The following WHAMM variants were observed in gnomAD, a reference collection of about 807,000 sequenced individuals.
The protein encoded by WHAMM is WASP homolog-associated protein with actin, membranes and microtubules.
In WHAMM, 67 loss-of-function variants were observed where a neutral mutation model predicts 76.5. The ratio of observed to expected loss-of-function variants is 0.88; its 90% confidence interval spans 0.72 to 1.07. WHAMM has a LOEUF of 1.07. Ranked by LOEUF, WHAMM falls within the 50% of genes least tolerant of loss-of-function variation. The probability of loss-of-function intolerance (pLI) is 0.00; values close to 1 mark genes in which losing one functional copy is unlikely to be tolerated. For missense variants in WHAMM, 1,021 were observed against 1,051.1 expected, an observed-to-expected ratio of 0.97 and a Z score of 0.40; for synonymous variants, 419 against 422.1, an observed-to-expected ratio of 0.99 and a Z score of 0.09.
chr15:82,833,146 A>C, intron 9 of WHAMM, 83 bp from the exon 10 acceptor site: 1 of 1,414,874 alleles, frequency 7.1e-7, no homozygotes, highest in Non-Finnish European at 9.5e-7. Context: ...AACTGATAGG[A>C]GATTTCACAA....
In WHAMM at chr15:82,833,368, G is replaced by A. The variant is rs1008396356; in HGVS notation, c.2262G>A (p.Lys754=). ...LAAIRQGVKL[K]KVHPDLGPNP... ...CCATAAGGCAAGGGGTCAAACTGAA[G>A]AAAGTTCACCCTGATCTTGGCCCAA... The change falls in exon 10 of 10, where the codon AAG becomes AAA. Residue 754 remains lysine (K), a synonymous_variant. Transcript: ENST00000286760. 2.6e-5 allele frequency: 42 copies of A among 1,614,014 alleles called. No homozygotes were observed. The highest frequency in any genetic ancestry group is 3.6e-5 in the Non-Finnish European group (42 of 1,179,872).
chr15:82,833,885 G>A lies in WHAMM; in HGVS notation c.*349G>A, dbSNP rs777246113. ...CTCCCGAGTAGCTGGGACTACAGGC[G>A]CCACCACCTTGCCCAACTAATTTTT... On this transcript the variant is annotated 3_prime_UTR_variant, in exon 10 of 10. Coordinates refer to ENST00000286760, the MANE Select transcript of WHAMM (RefSeq NM_001080435.3). The A allele has an allele frequency of 8.0e-5, 17 of 212,328 alleles. No homozygotes were observed. The highest frequency in any genetic ancestry group is 1.2e-4 in the African/African-American group (5 of 42,758). 13.2% of individuals were successfully genotyped at this position (212,328 alleles called of 1,614,324 possible).
intron 1 of WHAMM, 68 bp from the exon 2 acceptor site, chr15:82,813,035 G>C: frequency 1.6e-6 from 2 of 1,215,786 alleles, no homozygotes; most frequent in Non-Finnish European, 2.2e-6. Context: ...CTTTTGTTTA[G>C]TTTTGTTTGT....
chr15:82,826,535 A>G (rs1436217396), intron 7 of WHAMM, 39 bp downstream of exon 7: 2 of 1,602,468 alleles, frequency 1.2e-6, no homozygotes, highest in Non-Finnish European at 8.5e-7. Context: ...ATGTTTGTGT[A>G]GCGTGACATG....
chr15:82,826,566 C>T (rs1331901659), intron 7 of WHAMM, 70 bp downstream of exon 7: 2 of 1,591,992 alleles, frequency 1.3e-6, no homozygotes, highest in East Asian at 2.2e-5. Flanking sequence ...CTTGTGGAAA[C>T]TGGAGTTGCG....
intron 5 of WHAMM, among the ~76,000 whole-genome samples, chr15:82,821,643 A>G (rs1566994913): frequency 6.6e-6 from 1 of 152,302 alleles, no homozygotes; most frequent in East Asian, 1.9e-4. Flanking sequence ...AGGGTCTGGT[A>G]AGGCAAGTAC....
Position 82,809,951 on chromosome 15 carries a change from G to C in WHAMM, c.225G>C (p.Pro75=). ...CCAAGCCTGAGGCCGCCGTCTCCCC[G>C]TCCAGCTGGGCCGGCCTGCTCTCGG... The part of the protein sequence containing the change: ...PEPKPEAAVS[P]SSWAGLLSAA... The change falls in exon 1 of 10, where the codon CCG becomes CCC. Residue 75 remains proline, a synonymous_variant. Coordinates refer to ENST00000286760, the MANE Select transcript of WHAMM (RefSeq NM_001080435.3). 1 of 1,396,130 alleles carries C rather than the reference G, an allele frequency of 7.2e-7. No individual in the cohort carries two copies. The highest frequency in any genetic ancestry group is 9.3e-7 in the Non-Finnish European group (1 of 1,071,450). 86.5% of individuals were successfully genotyped at this position (1,396,130 alleles called of 1,614,324 possible). A position where few individuals can be genotyped will look rare whatever the true frequency, so the allele number is the denominator to read the frequency against.
At chr15:82,816,611 G>A in intron 2 of WHAMM, 81 bp from the exon 3 acceptor site, 7 of 1,341,020 alleles carry the variant, frequency 5.2e-6, no homozygotes, top group Non-Finnish European at 6.0e-6. Flanking sequence ...ATTAATCCAT[G>A]TGACCAATTT....
Position 82,809,821 on chromosome 15 carries a change from T to C in WHAMM, c.95T>C (p.Val32Ala). 6.2e-7 allele frequency: 1 copy of C among 1,603,916 alleles called. No individual in the cohort carries two copies. The highest frequency in any genetic ancestry group is 1.1e-5 in the South Asian group (1 of 90,126). Residue 32 changes from valine to alanine, a missense_variant, in exon 1 of 10, where the codon GTG (valine) becomes GCG (alanine). By Grantham distance (64) the Val-to-Ala change is moderately conservative. This residue lies in a region of WHAMM where 501 missense variants were observed against 524.9 expected (regional missense o/e 0.95). Coordinates refer to ENST00000286760, the MANE Select transcript of WHAMM (RefSeq NM_001080435.3). The part of the protein sequence containing the change: ...EPERHRLRFL[V>A]AWNGAEGKFA... ...GAGAGGCACCGGCTGCGCTTCCTGG[T>C]GGCCTGGAACGGCGCGGAGGGCAAG...
rs2051069897 is a variant in WHAMM, at chr15:82,833,396, C to A, written c.2290C>A (p.Pro764Thr). Reference sequence around the variant, plus strand: ...AGTTCACCCTGATCTTGGCCCAAACCCCAGCAGCAAACCAACCAGCAACAG... The same window carrying A: ...AGTTCACCCTGATCTTGGCCCAAACACCAGCAGCAAACCAACCAGCAACAG... ...KKVHPDLGPN[P>T]SSKPTSNRRT... is the part of the protein sequence containing the mutation. The change falls in exon 10 of 10, where the codon CCC (proline) becomes ACC (threonine). Residue 764 changes from proline to threonine, a missense_variant. Coordinates refer to ENST00000286760, the MANE Select transcript of WHAMM (RefSeq NM_001080435.3). 1.2e-6 allele frequency: 2 copies of A among 1,613,856 alleles called. No homozygotes were observed. The highest frequency in any genetic ancestry group is 2.7e-5 in the African/African-American group (2 of 74,920).
chr15:82,815,940 T>C (rs1015253229), intron 2 of WHAMM, among the ~76,000 whole-genome samples: 4 of 152,174 alleles, frequency 2.6e-5, no homozygotes, highest in Non-Finnish European at 5.9e-5. Context: ...CAACAAAACT[T>C]TTTTTTCACA....
Position 82,826,390 on chromosome 15 carries a change from G to C in WHAMM, c.1459-20G>C. ...GGGTAATATTAAAAACCATGTAGGT[G>C]ATTTGTATTATTCCACCAGGATCAG... On this transcript the variant is annotated intron_variant, in intron 6 of 9. Transcript: ENST00000286760. The C allele has an allele frequency of 6.2e-7, 1 of 1,613,556 alleles. No individual in the cohort carries two copies.
At position 82,809,898 on chromosome 15, in the gene WHAMM, G is replaced by A. The variant is rs1259482739; in HGVS notation, c.172G>A (p.Gly58Arg). 5.8e-6 allele frequency: 9 copies of A among 1,549,634 alleles called. No homozygotes were observed. Among genetic ancestry groups the A allele is most frequent in the Non-Finnish European group, 7.9e-6 (9 of 1,145,894 alleles). ...RTAQQRRLRE[G>R]ARLGPEPEPK... is the part of the protein sequence containing the mutation. Reference sequence around the variant, plus strand: ...CGCGCAGCAGCGGCGGCTGCGCGAGGGGGCCCGGTTGGGGCCCGAGCCCGA... The same window carrying A: ...CGCGCAGCAGCGGCGGCTGCGCGAGAGGGCCCGGTTGGGGCCCGAGCCCGA... Residue 58 changes from glycine (G) to arginine (R), a missense_variant, in exon 1 of 10, where the codon GGG (glycine) becomes AGG (arginine). Physicochemically the swap from Gly to Arg is moderately radical, Grantham distance 125 (BLOSUM62 -2). Coordinates refer to ENST00000286760, the MANE Select transcript of WHAMM (RefSeq NM_001080435.3).
rs1334519498 is a variant in WHAMM at position 82,810,293 on chromosome 15, C to T, written c.567C>T (p.Ala189=). Residue 189 remains alanine, a synonymous_variant, in exon 1 of 10, where the codon GCC becomes GCT. Coordinates refer to ENST00000286760, the MANE Select transcript of WHAMM (RefSeq NM_001080435.3). ...CESPREFRER[A]LRARWVEADA... Reference sequence around the variant, plus strand: ...GCCCGCGCGAGTTCCGGGAGCGGGCCTTGCGCGCGCGGTGGGTCGAGGCGG... The same window carrying T: ...GCCCGCGCGAGTTCCGGGAGCGGGCTTTGCGCGCGCGGTGGGTCGAGGCGG... 3.7e-6 allele frequency: 5 copies of T among 1,346,736 alleles called. No individual in the cohort carries two copies. Among genetic ancestry groups the T allele is most frequent in the Non-Finnish European group, 3.8e-6 (4 of 1,054,958 alleles). The allele number at this position is 1,346,736 out of a possible 1,614,324, so 83.4% of individuals were successfully genotyped here. A position where few individuals can be genotyped will look rare whatever the true frequency, so the allele number is the denominator to read the frequency against.
chr15:82,822,168 C>A (rs1417882088), intron 5 of WHAMM, among the ~76,000 whole-genome samples: 1 of 152,048 alleles, frequency 6.6e-6, no homozygotes, highest in Non-Finnish European at 1.5e-5. Flanking sequence ...TAAAAAAAAT[C>A]AATATGTAAT....
chr15:82,811,087 A>C lies in WHAMM; in HGVS notation c.609+752A>C, dbSNP rs1442008595. 3.9e-5 allele frequency among the ~76,000 whole-genome samples: 6 copies of C among 152,318 alleles called. No individual in the cohort carries two copies. In the East Asian group the frequency reaches 1.2e-3, roughly 29 times the overall value. ...TAACCTGAATGATTTTTTTCTGTGCATTCTTCTGAGGAAGGGGAAGTGAAG... is the reference window on the plus strand; with the variant it reads ...TAACCTGAATGATTTTTTTCTGTGCCTTCTTCTGAGGAAGGGGAAGTGAAG... On this transcript the variant is annotated intron_variant, in intron 1 of 9. Transcript: ENST00000286760.
chr15:82,816,034 T>C (rs973772094), intron 2 of WHAMM, among the ~76,000 whole-genome samples: 10 of 152,196 alleles, frequency 6.6e-5, no homozygotes, highest in African/African-American at 2.4e-4. Context: ...TGTAGATGAC[T>C]GTCTTGCTGT....
intron 3 of WHAMM, 81 bp downstream of exon 3, chr15:82,816,923 G>T: frequency 7.3e-7 from 1 of 1,361,962 alleles, no homozygotes; most frequent in South Asian, 1.4e-5. Flanking sequence ...TCCCTCTTAC[G>T]CACTAGGTAC....
Position 82,833,905 on chromosome 15 carries a change from A to AT in WHAMM, c.*375dup. The AT allele has an allele frequency of 5.3e-6, 1 of 190,262 alleles. No individual in the cohort carries two copies. Among genetic ancestry groups the AT allele is most frequent in the South Asian group, 1.1e-4 (1 of 9,416 alleles). The allele number at this position is 190,262 out of a possible 1,614,324, so 11.8% of individuals were successfully genotyped here. Reference sequence around the variant, plus strand: ...CAGGCGCCACCACCTTGCCCAACTAATTTTTTGTATTTTTTAGTAGAGACG... The same window carrying AT: ...CAGGCGCCACCACCTTGCCCAACTAATTTTTTTGTATTTTTTAGTAGAGACG... On this transcript the variant is annotated 3_prime_UTR_variant, in exon 10 of 10. Coordinates refer to ENST00000286760, the MANE Select transcript of WHAMM (RefSeq NM_001080435.3).
Sources: gnomAD v4.1 joint callset for allele counts (sites outside exome capture counted in the v4.1 genomes callset) on GRCh38, gnomAD v4.1.1 for gene constraint, gnomAD v4.1.1 regional missense constraint, MANE v1.5 for transcripts, NCBI Gene and HGNC (gene_info 2026-07-23, HGNC 2026-07-21) for gene names.